Variants in RELN observed in about 807,000 individuals in gnomAD.
The protein encoded by RELN is reelin.
RELN carries 108 observed loss-of-function variants against 427.6 expected under a neutral mutation model. The ratio of observed to expected loss-of-function variants is 0.25; its 90% confidence interval spans 0.22 to 0.30. The LOEUF (loss-of-function observed/expected upper bound fraction) is 0.30. Ranked by LOEUF, RELN falls within the 10% of genes least tolerant of loss-of-function variation. The probability of loss-of-function intolerance (pLI) is 1.00; values close to 1 mark genes in which losing one functional copy is unlikely to be tolerated. For synonymous variants in RELN, 1,524 were observed against 1,513.4 expected (o/e 1.01, Z -0.16); for missense variants, 3,715 against 4,302.8 (o/e 0.86, Z 3.82).
chr7:103,556,014 G>C (rs1023265065), intron 38 of RELN, among the ~76,000 whole-genome samples: 1 of 152,084 alleles, frequency 6.6e-6, no homozygotes, highest in African/African-American at 2.4e-5. Flanking sequence ...GGTAAAGTCT[G>C]GTCCTTTATA....
At chr7:103,619,673 T>G (rs1490096350) in intron 20 of RELN, among the ~76,000 whole-genome samples, 1 of 152,178 alleles carries the variant, frequency 6.6e-6, no homozygotes, top group Non-Finnish European at 1.5e-5. Context: ...AGCAAACCTC[T>G]GCTAGGTGCC....
At position 103,684,280 on chromosome 7, in the gene RELN, T is replaced by C. The variant is rs79541870; in HGVS notation, c.1144-2019A>G. 8.0e-4 allele frequency among the ~76,000 whole-genome samples: 122 copies of C among 152,308 alleles called. No individual in the cohort carries two copies. The South Asian group carries it at 0.013, about 16-fold the overall frequency. ...TTAGAATTTCATGTTAATTCTGTTT[T>C]AGGATTGGGCACAGCGGGCTTGGTG... is the stretch of plus-strand genomic sequence containing the variant. On this transcript the variant is annotated intron_variant, in intron 10 of 64. Transcript: ENST00000428762.
chr7:103,685,698 T>A (rs1440790611), intron 10 of RELN, among the ~76,000 whole-genome samples: 1 of 152,152 alleles, frequency 6.6e-6, no homozygotes, highest in African/African-American at 2.4e-5. Context: ...ACTAGTAGGT[T>A]ACCGATTTCT....
chr7:103,875,645 C>T (rs1434880592), intron 2 of RELN, among the ~76,000 whole-genome samples: 4 of 151,916 alleles, frequency 2.6e-5, no homozygotes, highest in East Asian at 1.9e-4. Context: ...TATAAACCTA[C>T]GACTTACTTC....
chr7:103,839,503 G>C (rs1793500605), intron 2 of RELN, among the ~76,000 whole-genome samples: 1 of 151,782 alleles, frequency 6.6e-6, no homozygotes, highest in Non-Finnish European at 1.5e-5. Flanking sequence ...GCTCTACGGA[G>C]GTATATAAAA....
intron 2 of RELN, among the ~76,000 whole-genome samples, chr7:103,900,607 A>T (rs2116618596): frequency 6.6e-6 from 1 of 152,004 alleles, no homozygotes; most frequent in African/African-American, 2.4e-5. Flanking sequence ...GTGGTACCAG[A>T]TGGGGTTTTC....
intron 11 of RELN, among the ~76,000 whole-genome samples, chr7:103,677,765 C>CAAAAAAA (rs60678229): frequency 5.4e-5 from 3 of 56,036 alleles, no homozygotes; most frequent in Non-Finnish European, 9.5e-5. Context: ...GAATCTGTCT[C>CAAAAAAA]AAAAAAAAAA....
chr7:103,635,637 A>T, intron 18 of RELN, 51 bp from the exon 19 acceptor site: 1 of 1,505,140 alleles, frequency 6.6e-7, no homozygotes, highest in Non-Finnish European at 9.2e-7. Context: ...TTTTAATCAT[A>T]ATGTTCATTT....
rs116634494 is a variant in RELN, at chr7:103,522,056, G to A, written c.7634C>T (p.Ala2545Val). ...ATGGAGAGCCATTCCCGACGCCACG[G>A]CTCCACACACTGTACTCAATTTCCC... ...NGGKLSTVCG[A>V]VASGMALHFS... is the part of the protein sequence containing the mutation. The change falls in exon 48 of 65, where the codon GCC becomes GTC. Residue 2545 changes from alanine to valine, a missense_variant. Transcript: ENST00000428762. 520 of 1,614,048 alleles carry A rather than the reference G, an allele frequency of 3.2e-4. No individual in the cohort carries two copies. Among genetic ancestry groups the A allele is most frequent in the Admixed American group, 5.0e-4 (30 of 60,010 alleles).
intron 1 of RELN, among the ~76,000 whole-genome samples, chr7:103,943,716 C>T (rs565223179): frequency 7.3e-5 from 11 of 151,428 alleles, no homozygotes; most frequent in South Asian, 6.3e-4. Context: ...CTGGGTGTGG[C>T]GGGTGCCTGT....
At chr7:103,531,332 T>G (rs1829935769) in intron 46 of RELN, among the ~76,000 whole-genome samples, 1 of 152,216 alleles carries the variant, frequency 6.6e-6, no homozygotes, top group Non-Finnish European at 1.5e-5. Flanking sequence ...TCATCTTCTT[T>G]CAGGAAGATC....
chr7:103,542,793 G>T lies in RELN; in HGVS notation c.6609C>A (p.Leu2203=), dbSNP rs760710751. The change falls in exon 43 of 65, where the codon CTC becomes CTA. Residue 2203 remains leucine (L), a synonymous_variant. Transcript: ENST00000428762. ...KCGILSSGNN[L]FFNEDGLRML... is the part of the protein sequence containing the mutation. ...TGCGCAAGCCATCTTCATTGAAAAA[G>T]AGGTTGTTTCCACTAGAAAGGATTC... The T allele has an allele frequency of 6.2e-7, 1 of 1,613,988 alleles. No individual in the cohort carries two copies. The highest frequency in any genetic ancestry group is 1.1e-5 in the South Asian group (1 of 91,080).
intron 12 of RELN, among the ~76,000 whole-genome samples, chr7:103,660,277 T>C (rs1833110955): frequency 6.6e-6 from 1 of 152,146 alleles, no homozygotes; most frequent in Admixed American, 6.6e-5. Context: ...TCCCTTTTGA[T>C]AAAATGAGAG....
intron 1 of RELN, among the ~76,000 whole-genome samples, chr7:103,927,385 C>T (rs1046700441): frequency 2.0e-5 from 3 of 152,108 alleles, no homozygotes; most frequent in African/African-American, 7.2e-5. Flanking sequence ...TCGAAATTCA[C>T]AAAATAAATG....
intron 8 of RELN, among the ~76,000 whole-genome samples, chr7:103,716,751 A>G (rs1789948283): frequency 6.6e-6 from 1 of 152,228 alleles, no homozygotes; most frequent in Admixed American, 6.5e-5. Context: ...TTTAAGTTAG[A>G]AAAGGTGAAA....
At chr7:103,655,614 C>T (rs1029595955) in intron 12 of RELN, among the ~76,000 whole-genome samples, 1 of 151,998 alleles carries the variant, frequency 6.6e-6, no homozygotes, top group African/African-American at 2.4e-5. Context: ...GGAGAAATGA[C>T]TGATATGTGA....
At chr7:103,875,058 C>T (rs1584321695) in intron 2 of RELN, among the ~76,000 whole-genome samples, 1 of 145,138 alleles carries the variant, frequency 6.9e-6, no homozygotes, top group Admixed American at 6.9e-5. Flanking sequence ...ACGCCGCATA[C>T]CTACAACTAT....
chr7:103,911,214 A>C lies in RELN; in HGVS notation c.337+5861T>G, dbSNP rs1480887643. Among the ~76,000 whole-genome samples the C allele has an allele frequency of 2.1e-5, 3 of 142,304 alleles. 1 individual carries two copies. Among genetic ancestry groups the C allele is most frequent in the African/African-American group, 8.5e-5 (3 of 35,310 alleles). The allele number at this position is 142,304 out of a possible 152,430, so 93.4% of individuals were successfully genotyped here. ...CGAAGAGCATGAACAGACACTTCTC[A>C]AAAGAAGACATTTATGCAGCCAAAA... is the stretch of plus-strand genomic sequence containing the variant. On this transcript the variant is annotated intron_variant, in intron 2 of 64. Transcript: ENST00000428762.
rs75461775 is a variant in RELN at position 103,769,878 on chromosome 7, T to C, written c.544+6679A>G. Among the ~76,000 whole-genome samples the C allele has an allele frequency of 7.6e-3, 1,159 of 152,258 alleles. 11 individuals carry two copies. Among genetic ancestry groups the C allele is most frequent in the African/African-American group, 0.026 (1,072 of 41,558 alleles). On this transcript the variant is annotated intron_variant, in intron 4 of 64. Coordinates refer to ENST00000428762, the MANE Select transcript of RELN (RefSeq NM_005045.4). The stretch of plus-strand genomic sequence containing the variant: ...AATCACAATGTGCCAAGCACCCTCT[T>C]TCCTGGCTCTTAGGAGCGACTGCTG...
Sources: gnomAD v4.1 joint callset for allele counts (sites outside exome capture counted in the v4.1 genomes callset) on GRCh38, gnomAD v4.1.1 for gene constraint, MANE v1.5 for transcripts, NCBI Gene and HGNC (gene_info 2026-07-23, HGNC 2026-07-21) for gene names.